The following TBC1D16 variants were observed in gnomAD, a reference collection of about 807,000 sequenced individuals.
TBC1D16 encodes TBC1 domain family member 16, also known as CTD-2529O21.1.
Under a neutral mutation model 74.7 loss-of-function variants are expected in TBC1D16, and 58 were observed. That is an observed-to-expected ratio of 0.78 (90% confidence interval 0.63 to 0.97). The LOEUF (loss-of-function observed/expected upper bound fraction) is 0.97, where lower values mean the gene tolerates loss of function less well. Ranked by LOEUF, TBC1D16 falls within the 50% of genes least tolerant of loss-of-function variation. The pLI, the probability that TBC1D16 is intolerant of heterozygous loss-of-function variation, is 0.00. For missense variants in TBC1D16, 1,014 were observed against 1,079.5 expected, an observed-to-expected ratio of 0.94 and a Z score of 0.85; for synonymous variants, 493 against 474.7, an observed-to-expected ratio of 1.04 and a Z score of -0.50.
Position 79,950,978 on chromosome 17 carries a change from G to C in TBC1D16, c.1090-400C>G, listed in dbSNP as rs2033008977. Reference sequence around the variant, plus strand: ...AGCCAGCCTGTCAGATTGCCTCCGCGAGCAGTCACGAATCCAGGGCAAAAC... The same window carrying C: ...AGCCAGCCTGTCAGATTGCCTCCGCCAGCAGTCACGAATCCAGGGCAAAAC... On this transcript the variant is annotated intron_variant, in intron 5 of 11. Transcript: ENST00000310924. The surrounding 1 kb of genome is among the most constrained non-coding windows in gnomAD (Gnocchi z 4.6). 1.3e-6 allele frequency: 1 copy of C among 796,660 alleles called. No individual in the cohort carries two copies. The highest frequency in any genetic ancestry group is 1.9e-6 in the Non-Finnish European group (1 of 526,718). The allele number at this position is 796,660 out of a possible 1,614,324, so 49.3% of individuals were successfully genotyped here.
chr17:79,951,680 C>T (rs1176951707), intron 4 of TBC1D16, 83 bp from the exon 5 acceptor site: 1 of 1,495,026 alleles, frequency 6.7e-7, no homozygotes, highest in Non-Finnish European at 9.0e-7. Context: ...AATCAGAGGC[C>T]ACTGTCGCCA....
intron 1 of TBC1D16, among the ~76,000 whole-genome samples, chr17:80,015,889 T>C (rs1277874516): frequency 6.6e-6 from 1 of 151,580 alleles, no homozygotes; most frequent in Non-Finnish European, 1.5e-5. Context: ...CATGTGCCTG[T>C]AGTCCCAGCT....
chr17:79,940,652 T>C lies in TBC1D16; in HGVS notation c.*207A>G, dbSNP rs192886091. The C allele has an allele frequency of 1.5e-3, 841 of 547,912 alleles. 13 individuals carry two copies. In the East Asian group the frequency reaches 0.029, roughly 19 times the overall value. The allele number at this position is 547,912 out of a possible 1,614,324, so 33.9% of individuals were successfully genotyped here. A position where few individuals can be genotyped will look rare whatever the true frequency, so the allele number is the denominator to read the frequency against. ...ACTGCAGCGTTTCAGGAGCTGACTT[T>C]CCTCTGGGTGGCTGTAGATCTGACT... is the stretch of plus-strand genomic sequence containing the variant. On this transcript the variant is annotated 3_prime_UTR_variant, in exon 12 of 12. Transcript: ENST00000310924. The surrounding 1 kb of genome is among the most constrained non-coding windows in gnomAD (Gnocchi z 5.4).
chr17:80,024,496 A>G (rs1464103057), intron 1 of TBC1D16, among the ~76,000 whole-genome samples: 1 of 147,164 alleles, frequency 6.8e-6, no homozygotes, highest in Non-Finnish European at 1.5e-5. Context: ...GACACACACC[A>G]CACGCACCAT....
intron 3 of TBC1D16, among the ~76,000 whole-genome samples, chr17:79,966,564 C>G (rs2033853903): frequency 6.6e-6 from 1 of 152,182 alleles, no homozygotes; most frequent in Non-Finnish European, 1.5e-5. Flanking sequence ...CTACTTCCTC[C>G]AGGTTGCTTC....
intron 1 of TBC1D16, among the ~76,000 whole-genome samples, chr17:80,032,274 TGTA>T (rs2036801203): frequency 2.0e-5 from 3 of 152,076 alleles, no homozygotes; most frequent in Non-Finnish European, 2.9e-5. Context: ...AGCAGACACA[TGTA>T]TCACCTTCCA....
rs140693951 is a variant in TBC1D16 at position 79,999,474 on chromosome 17, G to A, written c.779+10686C>T. 1.0e-2 allele frequency among the ~76,000 whole-genome samples: 1,502 copies of A among 150,304 alleles called. 16 individuals carry two copies. Among genetic ancestry groups the A allele is most frequent in the Middle Eastern group, 0.038 (11 of 286 alleles). On this transcript the variant is annotated intron_variant, in intron 3 of 11. Coordinates refer to ENST00000310924, the MANE Select transcript of TBC1D16 (RefSeq NM_019020.4). ...GAAGAAAACCAACCAAAATGATAAC[G>A]GCAACACCAGAGGGATCAAAGATCA... is the stretch of plus-strand genomic sequence containing the variant.
intron 3 of TBC1D16, among the ~76,000 whole-genome samples, chr17:79,978,333 T>C (rs1370289863): frequency 6.6e-6 from 1 of 152,158 alleles, no homozygotes; most frequent in Non-Finnish European, 1.5e-5. Context: ...CACGGCTAAT[T>C]AGGGAAGGTG....
rs2033351894 is a variant in TBC1D16 at position 79,956,658 on chromosome 17, G to C, written c.780-3840C>G. Among the ~76,000 whole-genome samples, 1 of 152,130 alleles carries C rather than the reference G, an allele frequency of 6.6e-6. No homozygotes were observed. The highest frequency in any genetic ancestry group is 2.4e-5 in the African/African-American group (1 of 41,412). On this transcript the variant is annotated intron_variant, in intron 3 of 11. Transcript: ENST00000310924. The surrounding 1 kb of genome is among the most constrained non-coding windows in gnomAD (Gnocchi z 4.0). ...GCTCTCAGAAAAAGCTTGAAGGGGA[G>C]GAAGAAACCTTCAAACATATTGAGC...
At position 80,000,556 on chromosome 17, in the gene TBC1D16, G is replaced by A. The variant is rs1478144118; in HGVS notation, c.779+9604C>T. 6.6e-6 allele frequency among the ~76,000 whole-genome samples: 1 copy of A among 152,202 alleles called. No individual in the cohort carries two copies. Among genetic ancestry groups the A allele is most frequent in the Non-Finnish European group, 1.5e-5 (1 of 68,030 alleles). On this transcript the variant is annotated intron_variant, in intron 3 of 11. Transcript: ENST00000310924. This position sits in a 1 kb window ranked among gnomAD's most constrained non-coding sequence, Gnocchi z 4.1. ...TGGACCTCTGGCTCCAGGACTGTGAGAGAATACATTTCTCTTGTTTCAAGC... is the reference window on the plus strand; with the variant it reads ...TGGACCTCTGGCTCCAGGACTGTGAAAGAATACATTTCTCTTGTTTCAAGC...
At chr17:79,949,456 G>C (rs923633693) in intron 7 of TBC1D16, among the ~76,000 whole-genome samples, 3 of 152,246 alleles carry the variant, frequency 2.0e-5, no homozygotes, top group Non-Finnish European at 4.4e-5. Flanking sequence ...GGACGTCAGC[G>C]CCTAGTTAAG....
At chr17:79,965,473 T>A (rs2033804799) in intron 3 of TBC1D16, among the ~76,000 whole-genome samples, 1 of 152,170 alleles carries the variant, frequency 6.6e-6, no homozygotes, top group South Asian at 2.1e-4. Flanking sequence ...TGAGGCAAAA[T>A]AACCAATTAT....
rs541029936 is a variant in TBC1D16 at position 80,031,866 on chromosome 17, T to G, written c.-63+3929A>C. On this transcript the variant is annotated intron_variant, in intron 1 of 11. Coordinates refer to ENST00000310924, the MANE Select transcript of TBC1D16 (RefSeq NM_019020.4). Reference sequence around the variant, plus strand: ...TACTTCTATGCTGTGCCTGTAAACATGGAGGCCTAAAGCTTCTCAGCATCT... The same window carrying G: ...TACTTCTATGCTGTGCCTGTAAACAGGGAGGCCTAAAGCTTCTCAGCATCT... Among the ~76,000 whole-genome samples the G allele has an allele frequency of 5.3e-5, 8 of 152,300 alleles. No homozygotes were observed. In the East Asian group the frequency reaches 1.2e-3, roughly 22 times the overall value.
intron 2 of TBC1D16, among the ~76,000 whole-genome samples, chr17:80,012,178 AT>A (rs1193400766): frequency 1.3e-5 from 2 of 152,132 alleles, no homozygotes; most frequent in Non-Finnish European, 2.9e-5. Flanking sequence ...AGGCTGGGAA[AT>A]TTGGGGAATG....
In TBC1D16 at chr17:80,000,206, G is replaced by A. The variant is rs1256769092; in HGVS notation, c.779+9954C>T. 6.6e-6 allele frequency among the ~76,000 whole-genome samples: 1 copy of A among 152,108 alleles called. No homozygotes were observed. Among genetic ancestry groups the A allele is most frequent in the Non-Finnish European group, 1.5e-5 (1 of 68,024 alleles). On this transcript the variant is annotated intron_variant, in intron 3 of 11. Coordinates refer to ENST00000310924, the MANE Select transcript of TBC1D16 (RefSeq NM_019020.4). This position sits in a 1 kb window ranked among gnomAD's most constrained non-coding sequence, Gnocchi z 4.1. ...TTGGCACCCATAGAGCATATGCCGC[G>A]GTGAACAGTGCTCCCCCAAGATTCA...
rs749451657 is a variant in TBC1D16, at chr17:79,961,339, G to A, written c.780-8521C>T. On this transcript the variant is annotated intron_variant, in intron 3 of 11. Coordinates refer to ENST00000310924, the MANE Select transcript of TBC1D16 (RefSeq NM_019020.4). The surrounding 1 kb of genome is among the most constrained non-coding windows in gnomAD (Gnocchi z 4.8). ...TAGAATGGCTACAGTGGACAAGACTGATCATAGCAAGTGTTGCTGAGGACA... is the reference window on the plus strand; with the variant it reads ...TAGAATGGCTACAGTGGACAAGACTAATCATAGCAAGTGTTGCTGAGGACA... 1.3e-5 allele frequency among the ~76,000 whole-genome samples: 2 copies of A among 152,182 alleles called. No homozygotes were observed. Among genetic ancestry groups the A allele is most frequent in the Non-Finnish European group, 2.9e-5 (2 of 68,048 alleles).
rs2035204110 is a variant in TBC1D16 at position 79,994,755 on chromosome 17, A to G, written c.779+15405T>C. Among the ~76,000 whole-genome samples, 1 of 152,160 alleles carries G rather than the reference A, an allele frequency of 6.6e-6. No homozygotes were observed. The highest frequency in any genetic ancestry group is 1.5e-5 in the Non-Finnish European group (1 of 68,026). On this transcript the variant is annotated intron_variant, in intron 3 of 11. Transcript: ENST00000310924. This position sits in a 1 kb window ranked among gnomAD's most constrained non-coding sequence, Gnocchi z 4.6. ...GTTTTTTCAAAAAAGCAGGTCGCCA[A>G]TCTGTGTAGACTCGTGCTGGCCAAG... is the stretch of plus-strand genomic sequence containing the variant.
rs768927473 is a variant in TBC1D16, at chr17:80,009,778, C to T, written c.779+382G>A. On this transcript the variant is annotated intron_variant, in intron 3 of 11. Coordinates refer to ENST00000310924, the MANE Select transcript of TBC1D16 (RefSeq NM_019020.4). The surrounding 1 kb of genome is among the most constrained non-coding windows in gnomAD (Gnocchi z 5.4). ...TGATGCCACCCGGGCCTCTTGGGCA[C>T]TCGCTTGGGGACTGAAAATCTCCTG... Among the ~76,000 whole-genome samples, 3 of 152,208 alleles carry T rather than the reference C, an allele frequency of 2.0e-5. No individual in the cohort carries two copies. Among genetic ancestry groups the T allele is most frequent in the Non-Finnish European group, 4.4e-5 (3 of 68,028 alleles).
At chr17:80,026,213 A>G (rs2036578508) in intron 1 of TBC1D16, 1 of 150,232 alleles carries the variant, frequency 6.7e-6, no homozygotes, top group African/African-American at 2.5e-5. Context: ...ACCTGAGGTC[A>G]AGAGTTCACG....
Sources: allele counts gnomAD v4.1 joint callset (sites outside exome capture counted in the v4.1 genomes callset), GRCh38; gene constraint gnomAD v4.1.1; non-coding constraint Gnocchi (gnomAD v3.1); transcripts MANE v1.5; gene names NCBI Gene and HGNC (gene_info 2026-07-23, HGNC 2026-07-21).